Variants in IGF2BP2 observed in about 807,000 individuals in gnomAD.
The protein encoded by IGF2BP2 is insulin like growth factor 2 mRNA binding protein 2.
A neutral mutation model predicts 75.8 loss-of-function variants in IGF2BP2; 17 were observed. That is an observed-to-expected ratio of 0.22 (90% CI 0.15 to 0.34). The LOEUF is 0.34. IGF2BP2 is among the 10% of genes least tolerant of loss of function. The pLI is 1.00. For missense variants in IGF2BP2, 516 were observed against 772.4 expected, an observed-to-expected ratio of 0.67 and a Z score of 3.93; for synonymous variants, 288 against 295.6, an observed-to-expected ratio of 0.97 and a Z score of 0.26.
At position 185,760,068 on chromosome 3, in the gene IGF2BP2, A is replaced by G. The variant is rs565801756; in HGVS notation, c.240-61721T>C. ...ATCACAATACCATTACCAAACATTA[A>G]CAATGAAAAGCCATTTCCTTATACT... On this transcript the variant is annotated intron_variant, in intron 2 of 15. Transcript: ENST00000382199. Among the ~76,000 whole-genome samples, 4 of 152,216 alleles carry G rather than the reference A, an allele frequency of 2.6e-5. No homozygotes were observed. In the South Asian group the frequency reaches 8.3e-4, roughly 31 times the overall value.
chr3:185,716,706 G>A (rs776881669), intron 2 of IGF2BP2: 38 of 520,028 alleles, frequency 7.3e-5, no homozygotes, highest in South Asian at 4.9e-4. Context: ...CCATGGTGGT[G>A]CATGGAGGAA....
At position 185,643,775 on chromosome 3, in the gene IGF2BP2, T is replaced by C. The variant is rs550658387; in HGVS notation, c.*1756A>G. On this transcript the variant is annotated 3_prime_UTR_variant, in exon 16 of 16. Transcript: ENST00000382199. ...GGATATATTTCTGTTTTTTCTTTTT[T>C]TTTCTTTTTTTTTTTTTTTTTTTTG... The C allele has an allele frequency of 1.5e-4, 22 of 144,624 alleles. No homozygotes were observed. The highest frequency in any genetic ancestry group is 5.0e-4 in the African/African-American group (19 of 37,960). 9.0% of individuals were successfully genotyped at this position (144,624 alleles called of 1,614,324 possible).
chr3:185,824,008 C>A (rs1741705803), intron 1 of IGF2BP2, among the ~76,000 whole-genome samples: 1 of 152,064 alleles, frequency 6.6e-6, no homozygotes, highest in Non-Finnish European at 1.5e-5. Context: ...TCTGGCCGAG[C>A]GGGAGGCGGG....
At chr3:185,743,067 C>T (rs1044400426) in intron 2 of IGF2BP2, among the ~76,000 whole-genome samples, 25 of 152,094 alleles carry the variant, frequency 1.6e-4, no homozygotes, top group African/African-American at 5.5e-4. Flanking sequence ...CCACTGCACT[C>T]CAGCCTGGGC....
chr3:185,671,073 A>T (rs992521728), intron 10 of IGF2BP2, among the ~76,000 whole-genome samples: 1 of 152,182 alleles, frequency 6.6e-6, no homozygotes, highest in South Asian at 2.1e-4. Flanking sequence ...GACAGCAAAA[A>T]TACAGAGATG....
rs1560345858 is a variant in IGF2BP2 at position 185,715,810 on chromosome 3, A to AT, written c.240-17464dup. 2.6e-5 allele frequency among the ~76,000 whole-genome samples: 4 copies of AT among 151,836 alleles called. No homozygotes were observed. In the South Asian group the frequency reaches 6.3e-4, roughly 24 times the overall value. On this transcript the variant is annotated intron_variant, in intron 2 of 15. Coordinates refer to ENST00000382199, the MANE Select transcript of IGF2BP2 (RefSeq NM_006548.6). ...CAGCACCCGTCACCACACCCAGCTA[A>AT]TTTTTTTGTATTTTTAGTAGAGACG...
chr3:185,741,637 G>C (rs1031624707), intron 2 of IGF2BP2, among the ~76,000 whole-genome samples: 4 of 152,158 alleles, frequency 2.6e-5, no homozygotes, highest in African/African-American at 9.7e-5. Context: ...AGAACAAAAA[G>C]CCATGGAAAG....
chr3:185,722,197 G>A (rs1726670812), intron 2 of IGF2BP2: 3 of 453,122 alleles, frequency 6.6e-6, no homozygotes, highest in African/African-American at 2.0e-5. Flanking sequence ...GCCTCCCAAA[G>A]TGCTGGGACT....
chr3:185,759,961 A>G (rs1732136286), intron 2 of IGF2BP2, among the ~76,000 whole-genome samples: 1 of 152,230 alleles, frequency 6.6e-6, no homozygotes. Context: ...TACCCACTGG[A>G]TTATTTTAAA....
chr3:185,795,854 C>A (rs1193853581), intron 2 of IGF2BP2, among the ~76,000 whole-genome samples: 1 of 151,992 alleles, frequency 6.6e-6, no homozygotes, highest in South Asian at 2.1e-4. Context: ...CCACTACACT[C>A]CAGGCTGGGC....
chr3:185,703,252 C>T (rs989180768), intron 2 of IGF2BP2, among the ~76,000 whole-genome samples: 7 of 152,174 alleles, frequency 4.6e-5, no homozygotes, highest in Non-Finnish European at 8.8e-5. Context: ...ATATAAATGC[C>T]TCAGCATACA....
chr3:185,824,419 G>A (rs939172114), intron 1 of IGF2BP2, among the ~76,000 whole-genome samples: 4 of 138,474 alleles, frequency 2.9e-5, no homozygotes, highest in Non-Finnish European at 6.3e-5. Context: ...AAGGTCAGGG[G>A]AGAAGTGAGA....
At chr3:185,668,519 A>AT (rs1553852725) in intron 10 of IGF2BP2, among the ~76,000 whole-genome samples, 33 of 147,948 alleles carry the variant, frequency 2.2e-4, no homozygotes, top group Non-Finnish European at 3.9e-4. Context: ...ATATATATAT[A>AT]TATATATATA....
intron 2 of IGF2BP2, among the ~76,000 whole-genome samples, chr3:185,715,638 T>C (rs1725484934): frequency 7.0e-6 from 1 of 142,100 alleles, no homozygotes; most frequent in Non-Finnish European, 1.6e-5. Context: ...TTTCTTTTTT[T>C]CTTTCTTTCT....
chr3:185,729,817 T>C (rs1351520895), intron 2 of IGF2BP2: 2 of 152,216 alleles, frequency 1.3e-5, no homozygotes, highest in Non-Finnish European at 2.9e-5. Context: ...ATTTCCTTCA[T>C]ATTTTTCAAC....
chr3:185,660,231 T>G (rs1041108995), intron 10 of IGF2BP2, among the ~76,000 whole-genome samples: 2 of 152,104 alleles, frequency 1.3e-5, no homozygotes, highest in Non-Finnish European at 2.9e-5. Flanking sequence ...TGGAACCAAT[T>G]CCCACAGGCC....
chr3:185,713,836 GATTACAGGC>G (rs1475025709), intron 2 of IGF2BP2, among the ~76,000 whole-genome samples: 1 of 152,154 alleles, frequency 6.6e-6, no homozygotes, highest in Admixed American at 6.5e-5. Flanking sequence ...GAGTAGCTGG[GATTACAGGC>G]ACCCACCACC....
intron 2 of IGF2BP2, among the ~76,000 whole-genome samples, chr3:185,772,577 CTTTTTTTTTT>C (rs368068706): frequency 8.5e-6 from 1 of 118,204 alleles, no homozygotes; most frequent in Non-Finnish European, 1.7e-5. Context: ...CCTTCTCTCT[CTTTTTTTTTT>C]TTTTTTTTTT....
chr3:185,747,284 T>G (rs1730367233), intron 2 of IGF2BP2, among the ~76,000 whole-genome samples: 1 of 152,208 alleles, frequency 6.6e-6, no homozygotes, highest in South Asian at 2.1e-4. Context: ...ACGCTACGAT[T>G]TATCACTTTT....
Sources: allele counts gnomAD v4.1 joint callset (sites outside exome capture counted in the v4.1 genomes callset), GRCh38; gene constraint gnomAD v4.1.1; transcripts MANE v1.5; gene names NCBI Gene and HGNC (gene_info 2026-07-23, HGNC 2026-07-21).